GPR160: variants seen among roughly 807,000 people sequenced by gnomAD.
GPR160 encodes the protein probable G protein-coupled receptor 160.
In GPR160, 2 loss-of-function variants were observed where a neutral mutation model predicts 2.6. The observed-to-expected ratio is 0.77, with a 90% CI of 0.32 to 2.44. The LOEUF is 2.44. GPR160 is among the 30% of genes most tolerant of loss of function. GPR160 has a pLI of 0.11. For missense variants in GPR160, 351 were observed against 383.6 expected (o/e 0.91, Z 0.71); for synonymous variants, 130 against 132.2 (o/e 0.98, Z 0.12).
intron 2 of GPR160, among the ~76,000 whole-genome samples, chr3:170,068,036 A>G (rs1712429952): frequency 6.6e-6 from 1 of 152,230 alleles, no homozygotes; most frequent in Non-Finnish European, 1.5e-5. Context: ...TGGTAGGTAC[A>G]GGTGCTAAAA....
At chr3:170,060,975 C>G (rs758489145) in intron 2 of GPR160, among the ~76,000 whole-genome samples, 2 of 151,948 alleles carry the variant, frequency 1.3e-5, no homozygotes, top group Non-Finnish European at 1.5e-5. Context: ...GACCTGGACT[C>G]TTCAAAAATG....
chr3:170,063,297 G>C (rs1039691000), intron 2 of GPR160: 1 of 152,068 alleles, frequency 6.6e-6, no homozygotes, highest in Non-Finnish European at 1.5e-5. Flanking sequence ...ACTTTGGGAG[G>C]CCGAAGCGGG....
intron 2 of GPR160, among the ~76,000 whole-genome samples, chr3:170,054,656 A>G (rs1292597480): frequency 6.6e-6 from 1 of 152,138 alleles, no homozygotes; most frequent in Non-Finnish European, 1.5e-5. Flanking sequence ...GCTACTGTTT[A>G]CTTTTTGTCT....
intron 2 of GPR160, among the ~76,000 whole-genome samples, chr3:170,048,821 C>T (rs992266932): frequency 1.7e-4 from 26 of 152,180 alleles, no homozygotes; most frequent in African/African-American, 7.2e-5. Flanking sequence ...TTGCTCCATG[C>T]GTGGCCTGTC....
In GPR160 at chr3:170,084,942, C is replaced by G; in HGVS notation, c.970C>G (p.Pro324Ala). The change falls in exon 4 of 4, where the codon CCT (proline) becomes GCT (alanine). Residue 324 changes from proline to alanine, a missense_variant. By Grantham distance (27) the Pro-to-Ala change is conservative. Coordinates refer to ENST00000355897, the MANE Select transcript of GPR160 (RefSeq NM_014373.3). ...WKCCFIPLTI[P>A]NLEQIEKPIS... ...GTGCTGCTTCATTCCACTTACAATT[C>G]CTAATCTTGAGCAAATTGAAAAGCC... is the stretch of plus-strand genomic sequence containing the variant. 1 of 1,587,418 alleles carries G rather than the reference C, an allele frequency of 6.3e-7. No individual in the cohort carries two copies. Among genetic ancestry groups the G allele is most frequent in the Non-Finnish European group, 8.6e-7 (1 of 1,167,058 alleles).
chr3:170,055,448 C>T (rs968145280), intron 2 of GPR160, among the ~76,000 whole-genome samples: 1 of 152,168 alleles, frequency 6.6e-6, no homozygotes, highest in Non-Finnish European at 1.5e-5. Context: ...TTGAGTCATA[C>T]AAGGAGCCAC....
chr3:170,082,352 TTCC>T (rs995439320), intron 3 of GPR160, among the ~76,000 whole-genome samples: 17 of 152,280 alleles, frequency 1.1e-4, no homozygotes, highest in Admixed American at 9.8e-4. Context: ...AAACTAAGTC[TTCC>T]TCCTATCCTG....
chr3:170,067,245 T>A (rs533717079), intron 2 of GPR160, among the ~76,000 whole-genome samples: 2 of 152,326 alleles, frequency 1.3e-5, no homozygotes, highest in South Asian at 4.1e-4. Flanking sequence ...ACTCAAACGA[T>A]CCTTCTGCCT....
intron 2 of GPR160, among the ~76,000 whole-genome samples, chr3:170,079,227 T>C (rs573867807): frequency 2.0e-5 from 3 of 152,210 alleles, no homozygotes; most frequent in African/African-American, 7.2e-5. Flanking sequence ...GTTACACTGC[T>C]TATCTGTGTC....
chr3:170,085,155 G>T lies in GPR160; in HGVS notation c.*166G>T. ...GCTATGATACCAGTTATTAAATAGTGTTTTATTTTAAAAACAAAATAATTC... is the reference window on the plus strand; with the variant it reads ...GCTATGATACCAGTTATTAAATAGTTTTTTATTTTAAAAACAAAATAATTC... On this transcript the variant is annotated 3_prime_UTR_variant, in exon 4 of 4. Coordinates refer to ENST00000355897, the MANE Select transcript of GPR160 (RefSeq NM_014373.3). The T allele has an allele frequency of 2.4e-6, 1 of 416,546 alleles. No individual in the cohort carries two copies. The highest frequency in any genetic ancestry group is 4.4e-6 in the Non-Finnish European group (1 of 228,510). 25.8% of individuals were successfully genotyped at this position (416,546 alleles called of 1,614,324 possible).
At position 170,067,481 on chromosome 3, in the gene GPR160, T is replaced by C. The variant is rs187402276; in HGVS notation, c.-192-12293T>C. Among the ~76,000 whole-genome samples the C allele has an allele frequency of 9.1e-4, 139 of 152,146 alleles. 1 individual carries two copies. The East Asian group carries it at 0.018, about 20-fold the overall frequency. ...TATAAATTAGGTTAATATTTTACCA[T>C]TTTTTTTCTTCTAGTTTGATCAGTC... On this transcript the variant is annotated intron_variant, in intron 2 of 3. Coordinates refer to ENST00000355897, the MANE Select transcript of GPR160 (RefSeq NM_014373.3).
intron 2 of GPR160, among the ~76,000 whole-genome samples, chr3:170,039,716 A>G (rs759907467): frequency 2.6e-5 from 4 of 152,256 alleles, no homozygotes; most frequent in Non-Finnish European, 5.9e-5. Context: ...CTCAAAATAA[A>G]TAAATAAATA....
intron 2 of GPR160, among the ~76,000 whole-genome samples, chr3:170,075,684 C>A (rs1461712552): frequency 2.0e-5 from 3 of 152,156 alleles, no homozygotes; most frequent in Non-Finnish European, 4.4e-5. Flanking sequence ...AATGTTTTGG[C>A]CTGGTAGACC....
Position 170,038,266 on chromosome 3 carries a change from C to T in GPR160, c.-322+51C>T, listed in dbSNP as rs1716280536. 1 of 152,170 alleles carries T rather than the reference C, an allele frequency of 6.6e-6. No individual in the cohort carries two copies. Among genetic ancestry groups the T allele is most frequent in the Admixed American group, 6.5e-5 (1 of 15,290 alleles). The allele number at this position is 152,170 out of a possible 1,614,324, so 9.4% of individuals were successfully genotyped here. A position where few individuals can be genotyped will look rare whatever the true frequency, so the allele number is the denominator to read the frequency against. The stretch of plus-strand genomic sequence containing the variant: ...GCCCGGCGCTCTCGCCACCGGCGTC[C>T]CAGCCTCGGGGCGGCGAACGGTCCC... On this transcript the variant is annotated intron_variant, in intron 1 of 3. Transcript: ENST00000355897. This position sits in a 1 kb window ranked among gnomAD's most constrained non-coding sequence, Gnocchi z 5.3.
In GPR160 at chr3:170,084,046, A is replaced by ACTAT. The variant is rs765693455; in HGVS notation, c.77_80dup (p.Leu28SerfsTer40). ...CAAACAAACCAGCCCCTAGATGTTA[A>ACTAT]CTATCTGCTATTCTTGATCATACTT... On this transcript the variant is annotated frameshift_variant, in exon 4 of 4. Transcript: ENST00000355897. LOFTEE classifies it low-confidence loss of function (END_TRUNC). 6.3e-7 allele frequency: 1 copy of ACTAT among 1,582,862 alleles called. No individual in the cohort carries two copies. The highest frequency in any genetic ancestry group is 1.2e-5 in the South Asian group (1 of 85,952).
At chr3:170,042,675 A>T (rs1285956174) in intron 2 of GPR160, among the ~76,000 whole-genome samples, 1 of 146,532 alleles carries the variant, frequency 6.8e-6, no homozygotes, top group Non-Finnish European at 1.5e-5. Context: ...CAAAAAAAAA[A>T]AATAAATAAA....
intron 2 of GPR160, among the ~76,000 whole-genome samples, chr3:170,050,557 C>T (rs1716914781): frequency 6.6e-6 from 1 of 152,170 alleles, no homozygotes; most frequent in Non-Finnish European, 1.5e-5. Flanking sequence ...CAGGCATGCA[C>T]CACCACGCCC....
Position 170,084,693 on chromosome 3 carries a change from T to G in GPR160, c.721T>G (p.Leu241Val). The change falls in exon 4 of 4, where the codon TTA (leucine) becomes GTA (valine). Residue 241 changes from leucine (L) to valine (V), a missense_variant. Leu to Val is a conservative substitution (Grantham distance 32, BLOSUM62 1). Transcript: ENST00000355897. ...TACTGTGAGATCTAAAAAAATATTC[T>G]TATCCAAGCTCATTGTCTGTTTTCT... ...SYTVRSKKIFLSKLIVCFLST... is the reference protein window; with the variant it reads ...SYTVRSKKIFVSKLIVCFLST... The G allele has an allele frequency of 6.2e-7, 1 of 1,612,368 alleles. No homozygotes were observed. The highest frequency in any genetic ancestry group is 1.1e-5 in the South Asian group (1 of 91,024).
intron 2 of GPR160, among the ~76,000 whole-genome samples, chr3:170,052,363 T>C (rs559857941): frequency 6.6e-5 from 10 of 152,396 alleles, no homozygotes; most frequent in Non-Finnish European, 1.3e-4. Context: ...ATAGGAGTTC[T>C]CGTTACTCTA....
Sources: allele counts gnomAD v4.1 joint callset (sites outside exome capture counted in the v4.1 genomes callset), GRCh38; gene constraint gnomAD v4.1.1; non-coding constraint Gnocchi (gnomAD v3.1); transcripts MANE v1.5; gene names NCBI Gene and HGNC (gene_info 2026-07-23, HGNC 2026-07-21).